The following LYPD6 variants were observed in gnomAD, a reference collection of about 807,000 sequenced individuals.
The protein encoded by LYPD6 is ly6/PLAUR domain-containing protein 6.
Under a neutral mutation model 22.7 loss-of-function variants are expected in LYPD6, and 15 were observed. That is an observed-to-expected ratio of 0.66 (90% CI 0.44 to 1.02). The LOEUF is 1.02. LYPD6 is among the 50% of genes least tolerant of loss of function. LYPD6 has a pLI of 0.00. For missense variants in LYPD6, 189 were observed against 208.4 expected (o/e 0.91, Z 0.57); for synonymous variants, 72 against 77.5 (o/e 0.93, Z 0.37).
In LYPD6 at chr2:149,471,811, C is replaced by G. The variant is rs1342833828; in HGVS notation, c.*961C>G. ...TAAGTGGCTCAGCCAGCTTCTTACT[C>G]CATCTGCAGTTCATACTGCCAAAGA... On this transcript the variant is annotated 3_prime_UTR_variant, in exon 5 of 5. Coordinates refer to ENST00000334166, the MANE Select transcript of LYPD6 (RefSeq NM_194317.5). 1.3e-5 allele frequency: 2 copies of G among 152,630 alleles called. No individual in the cohort carries two copies. The highest frequency in any genetic ancestry group is 2.9e-5 in the Non-Finnish European group (2 of 68,040). The allele number at this position is 152,630 out of a possible 1,614,324, so 9.5% of individuals were successfully genotyped here.
intron 1 of LYPD6, among the ~76,000 whole-genome samples, chr2:149,351,392 T>TAAAAAAAAAAAA (rs71397025): frequency 1.1e-4 from 9 of 83,072 alleles, no homozygotes; most frequent in East Asian, 4.1e-4. Context: ...AGACTCCATC[T>TAAAAAAAAAAAA]AAAAAAAAAA....
At chr2:149,369,130 G>A (rs1681745730) in intron 1 of LYPD6, among the ~76,000 whole-genome samples, 2 of 152,122 alleles carry the variant, frequency 1.3e-5, no homozygotes, top group Middle Eastern at 3.4e-3. Flanking sequence ...TGCAGTTAGA[G>A]GGGAGAGGAC....
intron 1 of LYPD6, among the ~76,000 whole-genome samples, chr2:149,385,560 G>A (rs1222367577): frequency 1.3e-5 from 2 of 152,160 alleles, no homozygotes; most frequent in East Asian, 3.8e-4. Flanking sequence ...CAGTTGGAGT[G>A]ATTTATTTTC....
Position 149,472,582 on chromosome 2 carries a change from A to G in LYPD6, c.*1732A>G, listed in dbSNP as rs1681366916. ...AAATTGCATCAAATGGCCTTAATTC[A>G]GAGTTTGTTAGGCTTATCAGTATGT... On this transcript the variant is annotated 3_prime_UTR_variant, in exon 5 of 5. Transcript: ENST00000334166. The G allele has an allele frequency of 6.6e-6, 1 of 152,650 alleles. No homozygotes were observed. Among genetic ancestry groups the G allele is most frequent in the African/African-American group, 2.4e-5 (1 of 41,456 alleles). The allele number at this position is 152,650 out of a possible 1,614,324, so 9.5% of individuals were successfully genotyped here. A position where few individuals can be genotyped will look rare whatever the true frequency, so the allele number is the denominator to read the frequency against.
At position 149,472,107 on chromosome 2, in the gene LYPD6, T is replaced by C. The variant is rs1203769784; in HGVS notation, c.*1257T>C. 1 of 152,254 alleles carries C rather than the reference T, an allele frequency of 6.6e-6. No individual in the cohort carries two copies. Among genetic ancestry groups the C allele is most frequent in the African/African-American group, 2.4e-5 (1 of 41,456 alleles). 9.4% of individuals were successfully genotyped at this position (152,254 alleles called of 1,614,324 possible). ...TCTTCCTTGTAAATAATTTAAACAGTATTTATTTTTGTAAGGCATAACTAG... is the reference window on the plus strand; with the variant it reads ...TCTTCCTTGTAAATAATTTAAACAGCATTTATTTTTGTAAGGCATAACTAG... On this transcript the variant is annotated 3_prime_UTR_variant, in exon 5 of 5. Coordinates refer to ENST00000334166, the MANE Select transcript of LYPD6 (RefSeq NM_194317.5).
chr2:149,476,492 A>G (rs904536852), downstream of LYPD6, among the ~76,000 whole-genome samples: 8 of 151,844 alleles, frequency 5.3e-5, no homozygotes, highest in African/African-American at 1.9e-4. Context: ...TGTTGTCTCT[A>G]TGCTCAGAGT....
chr2:149,416,571 C>T (rs1406414736), intron 1 of LYPD6, among the ~76,000 whole-genome samples: 1 of 152,162 alleles, frequency 6.6e-6, no homozygotes, highest in Non-Finnish European at 1.5e-5. Flanking sequence ...TTCAGTGGGA[C>T]CCTTGCTAAG....
chr2:149,454,100 T>A (rs1387813870), intron 3 of LYPD6, among the ~76,000 whole-genome samples: 3 of 152,258 alleles, frequency 2.0e-5, no homozygotes, highest in Non-Finnish European at 4.4e-5. Context: ...TTTCAGATGA[T>A]CTCTCATCAT....
chr2:149,427,419 A>G (rs2105139460), intron 1 of LYPD6, among the ~76,000 whole-genome samples: 1 of 152,330 alleles, frequency 6.6e-6, no homozygotes, highest in East Asian at 1.9e-4. Flanking sequence ...AAAAATGACA[A>G]GCTGTAACTG....
intron 1 of LYPD6, among the ~76,000 whole-genome samples, chr2:149,390,084 C>T (rs1682275612): frequency 6.6e-6 from 1 of 152,164 alleles, no homozygotes; most frequent in Non-Finnish European, 1.5e-5. Context: ...ATCTTGCATT[C>T]AGTTCCTTGT....
intron 1 of LYPD6, among the ~76,000 whole-genome samples, chr2:149,347,674 A>G (rs987135195): frequency 6.6e-6 from 1 of 152,138 alleles, no homozygotes; most frequent in African/African-American, 2.4e-5. Context: ...TTTTTTTGGC[A>G]GCACTTAAGA....
chr2:149,384,396 G>T (rs1682133314), intron 1 of LYPD6, among the ~76,000 whole-genome samples: 2 of 152,164 alleles, frequency 1.3e-5, no homozygotes, highest in South Asian at 4.1e-4. Flanking sequence ...GTCTGTGTTT[G>T]TTGGTTGTGG....
intron 1 of LYPD6, among the ~76,000 whole-genome samples, chr2:149,414,005 G>A (rs374038447): frequency 2.7e-4 from 41 of 152,308 alleles, no homozygotes; most frequent in African/African-American, 9.9e-4. Context: ...AAATGTGTAG[G>A]TGGTTCTTTA....
chr2:149,483,228 G>A, the LYPD6 span, among the ~76,000 whole-genome samples: 34 of 152,160 alleles, frequency 2.2e-4, no homozygotes, highest in Admixed American at 6.5e-5. Context: ...CCTGCTCCAC[G>A]ATAAGAAAAC....
chr2:149,374,866 T>G (rs570118264), intron 1 of LYPD6, among the ~76,000 whole-genome samples: 3 of 152,192 alleles, frequency 2.0e-5, no homozygotes, highest in East Asian at 1.9e-4. Context: ...ATAGTGGTTT[T>G]GTTTTGTTTT....
intron 1 of LYPD6, among the ~76,000 whole-genome samples, chr2:149,348,093 A>T (rs2105055892): frequency 6.6e-6 from 1 of 150,882 alleles, no homozygotes; most frequent in African/African-American, 2.4e-5. Context: ...AAAGAGTGGA[A>T]GACACAGCAA....
chr2:149,453,492 C>T (rs1376709536), intron 3 of LYPD6, among the ~76,000 whole-genome samples: 1 of 152,192 alleles, frequency 6.6e-6, no homozygotes, highest in Non-Finnish European at 1.5e-5. Context: ...TTTGAAAATA[C>T]TGCTGATATA....
rs150910210 is a variant in LYPD6, at chr2:149,458,147, G to A, written c.217+9000G>A. Among the ~76,000 whole-genome samples the A allele has an allele frequency of 3.3e-5, 5 of 152,312 alleles. No homozygotes were observed. The East Asian group carries it at 5.8e-4, about 18-fold the overall frequency. On this transcript the variant is annotated intron_variant, in intron 3 of 4. Transcript: ENST00000334166. ...GCCTTGACTTCATCCTCAATAGGCT[G>A]TAATGAGATGTCCCAACCTTTCTGC...
intron 1 of LYPD6, among the ~76,000 whole-genome samples, chr2:149,419,693 A>G (rs912387926): frequency 3.9e-5 from 6 of 152,208 alleles, no homozygotes; most frequent in African/African-American, 1.4e-4. Flanking sequence ...AAGCTGGCAG[A>G]AAGCTTCAGA....
Sources: allele counts gnomAD v4.1 joint callset (sites outside exome capture counted in the v4.1 genomes callset), GRCh38; gene constraint gnomAD v4.1.1; transcripts MANE v1.5; gene names NCBI Gene and HGNC (gene_info 2026-07-23, HGNC 2026-07-21).